NAV2: variants seen among roughly 807,000 people sequenced by gnomAD.
NAV2 encodes helicase, APC down-regulated 1.
A neutral mutation model predicts 223.2 loss-of-function variants in NAV2; 54 were observed. The observed-to-expected ratio is 0.24, with a 90% confidence interval of 0.19 to 0.30. The LOEUF (loss-of-function observed/expected upper bound fraction) is 0.30. Ranked by LOEUF, NAV2 falls within the 10% of genes least tolerant of loss-of-function variation. The pLI is 1.00. For synonymous variants in NAV2, 1,279 were observed against 1,239.3 expected, an observed-to-expected ratio of 1.03 and a Z score of -0.67; for missense variants, 2,806 against 3,147.5, an observed-to-expected ratio of 0.89 and a Z score of 2.60.
At chr11:19,897,640 T>C (rs954604181) in intron 6 of NAV2, among the ~76,000 whole-genome samples, 2 of 152,094 alleles carry the variant, frequency 1.3e-5, no homozygotes, top group African/African-American at 2.4e-5. Flanking sequence ...CATAAGGTGG[T>C]GACCAAGTAC....
At chr11:20,048,428 C>T (rs895017296) in intron 14 of NAV2, among the ~76,000 whole-genome samples, 4 of 152,210 alleles carry the variant, frequency 2.6e-5, no homozygotes, top group Non-Finnish European at 5.9e-5. Context: ...GAAGCAAGAT[C>T]TTGGCCCAGT....
intron 23 of NAV2, 61 bp downstream of exon 23, chr11:20,077,696 C>G (rs753131227): frequency 7.7e-7 from 1 of 1,303,450 alleles, no homozygotes; most frequent in Non-Finnish European, 1.1e-6. Context: ...CTTGAAAATA[C>G]TATTCTTTCA....
At chr11:19,621,673 T>C (rs1305392314) in intron 1 of NAV2, among the ~76,000 whole-genome samples, 1 of 152,230 alleles carries the variant, frequency 6.6e-6, no homozygotes, top group Admixed American at 6.5e-5. Flanking sequence ...TTGCTAGCGG[T>C]CTATCAATTT....
intron 1 of NAV2, among the ~76,000 whole-genome samples, chr11:19,358,860 A>G (rs1485999088): frequency 2.0e-5 from 3 of 152,228 alleles, no homozygotes; most frequent in Non-Finnish European, 4.4e-5. Flanking sequence ...GATGTGAGAA[A>G]ATCATCATGA....
chr11:19,529,914 A>T lies in NAV2; in HGVS notation c.75+178887A>T, dbSNP rs535137192. Among the ~76,000 whole-genome samples the T allele has an allele frequency of 2.6e-5, 4 of 152,328 alleles. No individual in the cohort carries two copies. In the South Asian group the frequency reaches 8.3e-4, roughly 32 times the overall value. On this transcript the variant is annotated intron_variant, in intron 1 of 37. Transcript: ENST00000360655. ...TTTCTTTACAGAAGGAAAACAAAAC[A>T]TCTTTTTTACTACCATTGACCTCCT...
chr11:19,495,130 A>G (rs1211542431), intron 1 of NAV2, among the ~76,000 whole-genome samples: 1 of 152,226 alleles, frequency 6.6e-6, no homozygotes, highest in African/African-American at 2.4e-5. Context: ...CCCTTAGGTC[A>G]CAGCATGAAC....
intron 1 of NAV2, among the ~76,000 whole-genome samples, chr11:19,637,035 T>C (rs933288941): frequency 2.0e-5 from 3 of 152,202 alleles, no homozygotes; most frequent in African/African-American, 4.8e-5. Context: ...ACCAGTAAAA[T>C]ACCTCTGGGC....
intron 1 of NAV2, among the ~76,000 whole-genome samples, chr11:19,664,938 C>T (rs2048371500): frequency 6.6e-6 from 1 of 152,194 alleles, no homozygotes; most frequent in South Asian, 2.1e-4. Flanking sequence ...GAGGAAAAAC[C>T]AAGAGCTCAG....
chr11:19,878,916 C>G (rs1385657462), intron 4 of NAV2, among the ~76,000 whole-genome samples: 1 of 152,174 alleles, frequency 6.6e-6, no homozygotes. Flanking sequence ...TCTTGCTTCA[C>G]GTCTGCCTTT....
intron 8 of NAV2, among the ~76,000 whole-genome samples, chr11:19,941,413 A>G (rs1383713642): frequency 6.7e-6 from 1 of 149,746 alleles, no homozygotes; most frequent in East Asian, 2.0e-4. Flanking sequence ...CACACATGTG[A>G]CTATGTTGAA....
intron 10 of NAV2, among the ~76,000 whole-genome samples, chr11:19,965,627 A>C (rs1218516141): frequency 6.6e-6 from 1 of 152,180 alleles, no homozygotes; most frequent in Non-Finnish European, 1.5e-5. Context: ...GGTGAGAGAG[A>C]TCTTTCTAGA....
At chr11:20,101,868 A>G (rs1039180718) in intron 32 of NAV2, among the ~76,000 whole-genome samples, 1 of 152,172 alleles carries the variant, frequency 6.6e-6, no homozygotes, top group Middle Eastern at 3.2e-3. Context: ...ATTAGTGAGC[A>G]TTGATGGATA....
At chr11:19,873,795 T>C (rs931200446) in intron 4 of NAV2, among the ~76,000 whole-genome samples, 3 of 152,162 alleles carry the variant, frequency 2.0e-5, no homozygotes, top group Non-Finnish European at 2.9e-5. Context: ...TCCCATCCTC[T>C]CATCCCACTT....
chr11:19,439,190 GCGTTTT>G, intron 1 of NAV2, among the ~76,000 whole-genome samples: 1 of 152,272 alleles, frequency 6.6e-6, no homozygotes, highest in East Asian at 1.9e-4. Flanking sequence ...GAAGTTCCAA[GCGTTTT>G]AGAAACTCTC....
chr11:20,054,222 T>C lies in NAV2; in HGVS notation c.4624T>C (p.Phe1542Leu). The C allele has an allele frequency of 6.2e-7, 1 of 1,610,868 alleles. No individual in the cohort carries two copies. Among genetic ancestry groups the C allele is most frequent in the Non-Finnish European group, 8.5e-7 (1 of 1,179,322 alleles). Residue 1542 changes from phenylalanine to leucine, a missense_variant, in exon 18 of 38, where the codon TTC becomes CTC. By Grantham distance (22) the Phe-to-Leu change is conservative (BLOSUM62 0). Coordinates refer to ENST00000349880, the MANE Select transcript of NAV2 (RefSeq NM_145117.5). ...CGTGACTTCTCCCTCCGGAACAAGA[T>C]TCAACTTTTCCCAGCTTGGTGAGTA... ...SSVTSPSGTR[F>L]NFSQLASPTT...
chr11:20,118,982 G>A lies in NAV2; in HGVS notation c.*724G>A, dbSNP rs2063339491. 6.6e-6 allele frequency: 1 copy of A among 152,550 alleles called. No homozygotes were observed. Among genetic ancestry groups the A allele is most frequent in the African/African-American group, 2.4e-5 (1 of 41,402 alleles). The allele number at this position is 152,550 out of a possible 1,614,324, so 9.4% of individuals were successfully genotyped here. ...TTAATATCCGTGAGAGTGAGTGACG[G>A]AGTGAGAGTGTGAGCGAGTGGATGT... On this transcript the variant is annotated 3_prime_UTR_variant, in exon 38 of 38. Coordinates refer to ENST00000349880, the MANE Select transcript of NAV2 (RefSeq NM_145117.5).
intron 1 of NAV2, among the ~76,000 whole-genome samples, chr11:19,537,593 T>G (rs2134490658): frequency 6.6e-6 from 1 of 152,346 alleles, no homozygotes; most frequent in Middle Eastern, 3.4e-3. Context: ...AGTGACAGGC[T>G]TTAGAATTGG....
intron 1 of NAV2, among the ~76,000 whole-genome samples, chr11:19,538,398 T>A (rs2044246801): frequency 6.6e-6 from 1 of 152,188 alleles, no homozygotes; most frequent in Non-Finnish European, 1.5e-5. Context: ...TGGAGTACAG[T>A]GGGGCAGTCA....
At chr11:19,455,145 C>G (rs1300280283) in intron 1 of NAV2, among the ~76,000 whole-genome samples, 1 of 152,118 alleles carries the variant, frequency 6.6e-6, no homozygotes, top group Admixed American at 6.5e-5. Context: ...ACTGGTAGGT[C>G]TTGGTAGGGC....
Sources: allele counts gnomAD v4.1 joint callset (sites outside exome capture counted in the v4.1 genomes callset), GRCh38; gene constraint gnomAD v4.1.1; transcripts MANE v1.5; gene names NCBI Gene and HGNC (gene_info 2026-07-23, HGNC 2026-07-21).